Variants in LHFPL2 observed in about 807,000 individuals in gnomAD.
LHFPL2 encodes the protein LHFPL tetraspan subfamily member 2, also known as LHFPL tetraspan subfamily member 2 protein.
In LHFPL2, 7 loss-of-function variants were observed where a neutral mutation model predicts 17.5. The observed-to-expected ratio is 0.40, with a 90% confidence interval of 0.23 to 0.75. The LOEUF (loss-of-function observed/expected upper bound fraction) is 0.75. LHFPL2 is among the 30% of genes least tolerant of loss of function. The pLI is 0.37. For synonymous variants in LHFPL2, 134 were observed against 116.2 expected, an observed-to-expected ratio of 1.15 and a Z score of -0.99; for missense variants, 241 against 294.8, an observed-to-expected ratio of 0.82 and a Z score of 1.34.
intron 2 of LHFPL2, among the ~76,000 whole-genome samples, chr5:78,599,371 C>T (rs1434059312): frequency 6.6e-6 from 1 of 152,118 alleles, no homozygotes; most frequent in African/African-American, 2.4e-5. Flanking sequence ...TCAATCTCGG[C>T]TCACTGCAAC....
chr5:78,494,548 CAA>C, intron 4 of LHFPL2: 1 of 984,750 alleles, frequency 1.0e-6, no homozygotes, highest in Non-Finnish European at 1.2e-6. Context: ...AGGAAAAAAA[CAA>C]ATGAAAAGCT....
intron 2 of LHFPL2, among the ~76,000 whole-genome samples, chr5:78,605,123 TGA>T (rs1744168289): frequency 1.3e-5 from 2 of 152,214 alleles, no homozygotes; most frequent in Non-Finnish European, 2.9e-5. Flanking sequence ...CACTGCAGAC[TGA>T]GTGTGTGTTA....
At chr5:78,628,522 C>T (rs78212951) in intron 2 of LHFPL2, among the ~76,000 whole-genome samples, 3,628 of 152,250 alleles carry the variant, frequency 0.024, 169 homozygotes, top group African/African-American at 0.082. Context: ...CCTGGTGCTC[C>T]GCTCAAAGGA....
chr5:78,633,053 G>A (rs1285214218), intron 1 of LHFPL2, among the ~76,000 whole-genome samples: 1 of 152,162 alleles, frequency 6.6e-6, no homozygotes, highest in East Asian at 1.9e-4. Flanking sequence ...GGAGAGTTTC[G>A]ACTGGACCTT....
At chr5:78,510,432 C>T in intron 3 of LHFPL2, 34 bp from the exon 4 acceptor site, 1 of 521,724 alleles carries the variant, frequency 1.9e-6, no homozygotes, top group Non-Finnish European at 3.3e-6. Context: ...GCAGCGCCGC[C>T]AGGCCCCGCC....
intron 3 of LHFPL2, among the ~76,000 whole-genome samples, chr5:78,513,877 T>C (rs1755210746): frequency 6.6e-6 from 1 of 152,234 alleles, no homozygotes; most frequent in South Asian, 2.1e-4. Flanking sequence ...GTCTCACGTA[T>C]GTCTTTATCA....
intron 4 of LHFPL2, among the ~76,000 whole-genome samples, chr5:78,495,842 C>T (rs1239162868): frequency 6.6e-6 from 1 of 152,160 alleles, no homozygotes; most frequent in Non-Finnish European, 1.5e-5. Context: ...TTATGGATGG[C>T]CATGGCTGGG....
At chr5:78,607,163 T>C (rs1479803489) in intron 2 of LHFPL2, among the ~76,000 whole-genome samples, 1 of 151,724 alleles carries the variant, frequency 6.6e-6, no homozygotes, top group Non-Finnish European at 1.5e-5. Context: ...CAGGCTGGAG[T>C]GTAATGGCAT....
chr5:78,562,922 C>T (rs1756767934), intron 3 of LHFPL2, among the ~76,000 whole-genome samples: 2 of 152,176 alleles, frequency 1.3e-5, no homozygotes, highest in South Asian at 4.1e-4. Context: ...TGGCAGTGAC[C>T]AGGGTGACAA....
chr5:78,627,153 A>G (rs773221892), intron 2 of LHFPL2, among the ~76,000 whole-genome samples: 3 of 152,194 alleles, frequency 2.0e-5, no homozygotes, highest in Non-Finnish European at 4.4e-5. Context: ...GAAGCTGAGG[A>G]CAAGAAAGCC....
rs540020328 is a variant in LHFPL2 at position 78,578,699 on chromosome 5, T to G, written c.-244-13828A>C. Among the ~76,000 whole-genome samples, 14 of 151,984 alleles carry G rather than the reference T, an allele frequency of 9.2e-5. 1 individual carries two copies. In the South Asian group the frequency reaches 2.1e-3, roughly 23 times the overall value. ...TAGAGACATGTACTTTACCAAGAAA[T>G]CAATGGGTGAAATGAATGACTTGAC... On this transcript the variant is annotated intron_variant, in intron 2 of 4. Coordinates refer to ENST00000380345, the MANE Select transcript of LHFPL2 (RefSeq NM_005779.3).
intron 3 of LHFPL2, among the ~76,000 whole-genome samples, chr5:78,542,395 G>T (rs1329971867): frequency 6.6e-6 from 1 of 152,148 alleles, no homozygotes. Flanking sequence ...ACAAGCAAAG[G>T]CTGCTTGTAA....
intron 1 of LHFPL2, among the ~76,000 whole-genome samples, chr5:78,647,506 T>A (rs1362280288): frequency 6.6e-6 from 1 of 152,152 alleles, no homozygotes; most frequent in African/African-American, 2.4e-5. Context: ...CAGCACACAC[T>A]TTCCATAGCG....
intron 4 of LHFPL2, among the ~76,000 whole-genome samples, chr5:78,490,085 A>G (rs1754387884): frequency 2.6e-5 from 4 of 152,236 alleles, no homozygotes. Context: ...CTTTGTAAGG[A>G]CTTTCTGTCT....
At chr5:78,605,502 G>A (rs148204433) in intron 2 of LHFPL2, among the ~76,000 whole-genome samples, 59 of 152,218 alleles carry the variant, frequency 3.9e-4, no homozygotes, top group African/African-American at 1.4e-3. Flanking sequence ...AGGATTTTTA[G>A]GGTCTTTTAT....
chr5:78,569,738 G>A (rs1041584443), intron 2 of LHFPL2, among the ~76,000 whole-genome samples: 8 of 152,158 alleles, frequency 5.3e-5, no homozygotes, highest in South Asian at 2.1e-4. Context: ...CAACAACGCC[G>A]GCCCTGCCAC....
chr5:78,582,558 A>G (rs1743186406), intron 2 of LHFPL2, among the ~76,000 whole-genome samples: 2 of 151,572 alleles, frequency 1.3e-5, no homozygotes, highest in Admixed American at 6.6e-5. Flanking sequence ...GTAGTCATTC[A>G]GGAGCAGGTT....
chr5:78,525,720 A>G (rs1755602780), intron 3 of LHFPL2, among the ~76,000 whole-genome samples: 1 of 152,254 alleles, frequency 6.6e-6, no homozygotes. Flanking sequence ...AGGAAAAGGT[A>G]AAAGTGTGCA....
chr5:78,644,650 T>C (rs1745798678), intron 1 of LHFPL2: 3 of 335,126 alleles, frequency 9.0e-6, no homozygotes, highest in Non-Finnish European at 1.7e-5. Context: ...ATGGGTCTTG[T>C]CCATCTTTGA....
Sources: gnomAD v4.1 joint callset for allele counts (sites outside exome capture counted in the v4.1 genomes callset) on GRCh38, gnomAD v4.1.1 for gene constraint, MANE v1.5 for transcripts, NCBI Gene and HGNC (gene_info 2026-07-23, HGNC 2026-07-21) for gene names.